PRKG1: variants seen among roughly 807,000 people sequenced by gnomAD.
The protein encoded by PRKG1 is protein kinase cGMP-dependent 1, also known as cGMP-dependent protein kinase 1.
Under a neutral mutation model 88.1 loss-of-function variants are expected in PRKG1, and 35 were observed. The ratio of observed to expected loss-of-function variants is 0.40; its 90% CI spans 0.30 to 0.53. The LOEUF (loss-of-function observed/expected upper bound fraction) is 0.53. PRKG1 is among the 20% of genes least tolerant of loss of function. PRKG1 has a pLI of 0.59. For synonymous variants in PRKG1, 303 were observed against 292.5 expected (o/e 1.04, Z -0.37); for missense variants, 540 against 839.8 (o/e 0.64, Z 4.41).
At chr10:51,783,575 C>A (rs116704408) in intron 3 of PRKG1, among the ~76,000 whole-genome samples, 1 of 152,078 alleles carries the variant, frequency 6.6e-6, no homozygotes, top group Non-Finnish European at 1.5e-5. Flanking sequence ...AGCCACTGCA[C>A]GCAGCCAGAC....
At chr10:52,094,384 A>G (rs1589601478) in intron 7 of PRKG1, among the ~76,000 whole-genome samples, 2 of 152,156 alleles carry the variant, frequency 1.3e-5, no homozygotes, top group Middle Eastern at 6.8e-3. Flanking sequence ...TTATTTAATC[A>G]CTATACATTA....
At chr10:51,404,664 G>C (rs924351703) in intron 2 of PRKG1, among the ~76,000 whole-genome samples, 6 of 152,182 alleles carry the variant, frequency 3.9e-5, no homozygotes, top group Non-Finnish European at 8.8e-5. Context: ...AGTGAATTCT[G>C]TCTGCTAATA....
At chr10:51,463,244 T>C (rs1416531817) in intron 2 of PRKG1, among the ~76,000 whole-genome samples, 1 of 152,136 alleles carries the variant, frequency 6.6e-6, no homozygotes, top group African/African-American at 2.4e-5. Flanking sequence ...ATGAAGACCA[T>C]CAGTAAACTC....
chr10:51,662,482 A>G (rs557149156), intron 3 of PRKG1, among the ~76,000 whole-genome samples: 1 of 152,270 alleles, frequency 6.6e-6, no homozygotes, highest in East Asian at 1.9e-4. Flanking sequence ...GACAAAACAT[A>G]TGGTATAAGA....
chr10:52,134,791 G>A (rs1476759878), intron 8 of PRKG1, among the ~76,000 whole-genome samples: 4 of 152,074 alleles, frequency 2.6e-5, no homozygotes, highest in Non-Finnish European at 5.9e-5. Flanking sequence ...AGAGGACTCC[G>A]GATGGAGAGA....
chr10:52,127,555 G>T (rs914129664), intron 7 of PRKG1, among the ~76,000 whole-genome samples: 3 of 151,988 alleles, frequency 2.0e-5, no homozygotes, highest in Non-Finnish European at 4.4e-5. Flanking sequence ...TTGAGAAGGT[G>T]GTGTCAGAAA....
At chr10:50,994,401 ATTTTTTTTT>A (rs562018970) in intron 1 of PRKG1, among the ~76,000 whole-genome samples, 14 of 87,642 alleles carry the variant, frequency 1.6e-4, no homozygotes, top group East Asian at 3.1e-4. Context: ...CTCACCTGTA[ATTTTTTTTT>A]TTTTTTTTTT....
chr10:51,621,216 T>C (rs1342302368), intron 3 of PRKG1, among the ~76,000 whole-genome samples: 1 of 151,734 alleles, frequency 6.6e-6, no homozygotes, highest in Non-Finnish European at 1.5e-5. Flanking sequence ...ATCAGACTGG[T>C]TACACCTGAA....
In PRKG1 at chr10:52,155,171, G is replaced by C. The variant is rs1019496959; in HGVS notation, c.1002-6718G>C. Among the ~76,000 whole-genome samples, 12 of 82,862 alleles carry C rather than the reference G, an allele frequency of 1.4e-4. No individual in the cohort carries two copies. In the Admixed American group the frequency reaches 1.5e-3, roughly 11 times the overall value. The allele number at this position is 82,862 out of a possible 152,430, so 54.4% of individuals were successfully genotyped here. On this transcript the variant is annotated intron_variant, in intron 8 of 17. Coordinates refer to ENST00000373980, the MANE Select transcript of PRKG1 (RefSeq NM_006258.4). ...GTAGATATACAGTACTGGGATTGCTGCACTGAAATCCCAGTACTACTTTAA... is the reference window on the plus strand; with the variant it reads ...GTAGATATACAGTACTGGGATTGCTCCACTGAAATCCCAGTACTACTTTAA...
At chr10:51,138,917 C>T (rs1054238233) in intron 1 of PRKG1, among the ~76,000 whole-genome samples, 2 of 151,776 alleles carry the variant, frequency 1.3e-5, no homozygotes, top group South Asian at 2.1e-4. Context: ...CTCCTGACCC[C>T]GTTGATCAGT....
At chr10:51,764,764 A>G (rs1331378399) in intron 3 of PRKG1, among the ~76,000 whole-genome samples, 1 of 152,176 alleles carries the variant, frequency 6.6e-6, no homozygotes, top group Non-Finnish European at 1.5e-5. Flanking sequence ...TTAGGTGTTG[A>G]AACCCTAACT....
intron 5 of PRKG1, among the ~76,000 whole-genome samples, chr10:51,957,062 C>T (rs1843322067): frequency 7.0e-6 from 1 of 142,020 alleles, no homozygotes; most frequent in South Asian, 2.3e-4. Context: ...CCTCCCTCCC[C>T]ATCTCCTCTC....
At chr10:52,007,486 AC>A (rs1844767940) in intron 5 of PRKG1, among the ~76,000 whole-genome samples, 1 of 152,178 alleles carries the variant, frequency 6.6e-6, no homozygotes, top group African/African-American at 2.4e-5. Flanking sequence ...CTGTAATTTC[AC>A]ACAAAATAGA....
chr10:51,429,358 T>C (rs1838691744), intron 2 of PRKG1, among the ~76,000 whole-genome samples: 1 of 151,916 alleles, frequency 6.6e-6, no homozygotes, highest in Non-Finnish European at 1.5e-5. Flanking sequence ...GTAAACAACC[T>C]CCACTAACAA....
intron 3 of PRKG1, among the ~76,000 whole-genome samples, chr10:51,627,908 C>CTTCCCTTCCTTCCCTTCCTTCCCTTCG (rs1839381372): frequency 7.1e-6 from 1 of 141,004 alleles, no homozygotes; most frequent in Non-Finnish European, 1.6e-5. Flanking sequence ...CCTTCCCTTC[C>CTTCCCTTCCTTCCCTTCCTTCCCTTCG]TTCCCTTCCT....
At chr10:51,229,657 G>A (rs925545386) in intron 2 of PRKG1, among the ~76,000 whole-genome samples, 20 of 152,100 alleles carry the variant, frequency 1.3e-4, no homozygotes, top group Admixed American at 8.5e-4. Context: ...GGCCAGGTGT[G>A]GTGGCTCATG....
Position 51,575,495 on chromosome 10 carries a change from A to G in PRKG1, c.592+107659A>G, listed in dbSNP as rs139370962. 2.8e-3 allele frequency among the ~76,000 whole-genome samples: 424 copies of G among 152,032 alleles called. 1 individual carries two copies. Among genetic ancestry groups the G allele is most frequent in the African/African-American group, 9.7e-3 (401 of 41,528 alleles). On this transcript the variant is annotated intron_variant, in intron 3 of 17. Coordinates refer to ENST00000373980, the MANE Select transcript of PRKG1 (RefSeq NM_006258.4). ...TCCAGAATGTCACAGAAAAAGTTTT[A>G]TATTTTACCTGGGTTGATTTAACTT...
chr10:51,140,256 ATTTG>A (rs1845789741), intron 1 of PRKG1, among the ~76,000 whole-genome samples: 1 of 152,168 alleles, frequency 6.6e-6, no homozygotes, highest in Admixed American at 6.5e-5. Context: ...TTAACGATAT[ATTTG>A]TTTGTTTACC....
rs754174239 is a variant in PRKG1, at chr10:51,495,412, A to G, written c.592+27576A>G. Among the ~76,000 whole-genome samples, 53 of 152,276 alleles carry G rather than the reference A, an allele frequency of 3.5e-4. 1 individual carries two copies. The highest frequency in any genetic ancestry group is 5.7e-4 in the Non-Finnish European group (39 of 68,028). Reference sequence around the variant, plus strand: ...ACCCGACCCTGAATCTTTCACAATGACTTTGAACTTGAATACTAGTATTAG... The same window carrying G: ...ACCCGACCCTGAATCTTTCACAATGGCTTTGAACTTGAATACTAGTATTAG... On this transcript the variant is annotated intron_variant, in intron 3 of 17. Transcript: ENST00000373980.
Sources: allele counts gnomAD v4.1 joint callset (sites outside exome capture counted in the v4.1 genomes callset), GRCh38; gene constraint gnomAD v4.1.1; transcripts MANE v1.5; gene names NCBI Gene and HGNC (gene_info 2026-07-23, HGNC 2026-07-21).